Variants in GALNT13 observed in about 807,000 individuals in gnomAD.
GALNT13 encodes the protein polypeptide N-acetylgalactosaminyltransferase 13.
A neutral mutation model predicts 64.2 loss-of-function variants in GALNT13; 28 were observed. That is an observed-to-expected ratio of 0.44 (90% CI 0.32 to 0.60). GALNT13 has a LOEUF of 0.60. Among genes scored for constraint, GALNT13 ranks in the 20% least tolerant of loss-of-function variants. The pLI is 0.05. For synonymous variants in GALNT13, 214 were observed against 224.6 expected (o/e 0.95, Z 0.42); for missense variants, 577 against 669.8 (o/e 0.86, Z 1.53).
the GALNT13 span, among the ~76,000 whole-genome samples, chr2:153,214,584 T>A: frequency 6.6e-6 from 1 of 152,144 alleles, no homozygotes; most frequent in Non-Finnish European, 1.5e-5. Context: ...CTGTGTTATG[T>A]CTTAGGCCAC....
At chr2:153,576,304 G>A in the GALNT13 span, among the ~76,000 whole-genome samples, 4 of 151,958 alleles carry the variant, frequency 2.6e-5, no homozygotes, top group African/African-American at 7.3e-5. Context: ...CACAGTCTGC[G>A]GGCCCAGTTC....
chr2:153,555,288 G>T, the GALNT13 span, among the ~76,000 whole-genome samples: 1 of 103,708 alleles, frequency 9.6e-6, no homozygotes, highest in Non-Finnish European at 2.0e-5. Flanking sequence ...TCCGCCTCCC[G>T]GGTTCACGCC....
At chr2:154,402,139 G>A (rs34287563) in intron 10 of GALNT13, among the ~76,000 whole-genome samples, 99,334 of 152,028 alleles carry the variant, frequency 0.65, 33,010 homozygotes, top group Admixed American at 0.73. Context: ...AAGGATAAAC[G>A]TATGTTGGGA....
the GALNT13 span, among the ~76,000 whole-genome samples, chr2:153,125,848 A>T: frequency 6.6e-6 from 1 of 152,182 alleles, no homozygotes; most frequent in Admixed American, 6.5e-5. Flanking sequence ...TTACATAGAT[A>T]ATTTACATAA....
At chr2:153,119,545 T>A in the GALNT13 span, among the ~76,000 whole-genome samples, 1 of 152,172 alleles carries the variant, frequency 6.6e-6, no homozygotes, top group Non-Finnish European at 1.5e-5. Context: ...AAGATAAAAA[T>A]GGCACTGTTA....
chr2:153,134,133 AT>A, the GALNT13 span, among the ~76,000 whole-genome samples: 1 of 151,774 alleles, frequency 6.6e-6, no homozygotes, highest in South Asian at 2.1e-4. Flanking sequence ...GAAATTGAAA[AT>A]TCGAAAAGAC....
At chr2:153,181,802 A>G in the GALNT13 span, among the ~76,000 whole-genome samples, 1 of 145,906 alleles carries the variant, frequency 6.9e-6, no homozygotes, top group African/African-American at 2.5e-5. Flanking sequence ...ATATAAATAT[A>G]CTTACATAAT....
chr2:153,548,952 AT>A, the GALNT13 span, among the ~76,000 whole-genome samples: 1 of 152,248 alleles, frequency 6.6e-6, no homozygotes, highest in African/African-American at 2.4e-5. Flanking sequence ...GTACTTATAC[AT>A]GTTATAATAT....
At chr2:154,017,872 T>A (rs1216162080) in intron 3 of GALNT13, among the ~76,000 whole-genome samples, 1 of 152,098 alleles carries the variant, frequency 6.6e-6, no homozygotes, top group African/African-American at 2.4e-5. Context: ...CTGAAATGAG[T>A]TTTAGTTGTG....
At chr2:153,712,459 C>A in the GALNT13 span, among the ~76,000 whole-genome samples, 58 of 152,022 alleles carry the variant, frequency 3.8e-4, no homozygotes, top group African/African-American at 1.3e-3. Context: ...TTGTCATCTG[C>A]AAGAAAGAAG....
the GALNT13 span, among the ~76,000 whole-genome samples, chr2:153,703,431 T>G: frequency 6.6e-6 from 1 of 152,298 alleles, no homozygotes; most frequent in South Asian, 2.1e-4. Context: ...TAAACTTCGC[T>G]TATGTAAATT....
intron 8 of GALNT13, among the ~76,000 whole-genome samples, chr2:154,288,955 G>T (rs757248408): frequency 1.3e-5 from 2 of 152,230 alleles, no homozygotes; most frequent in Non-Finnish European, 2.9e-5. Flanking sequence ...GGGACTCTGT[G>T]TGGGGGCTTG....
At chr2:154,249,425 G>A (rs1253267295) in intron 7 of GALNT13, among the ~76,000 whole-genome samples, 2 of 152,146 alleles carry the variant, frequency 1.3e-5, no homozygotes, top group Non-Finnish European at 2.9e-5. Context: ...CTAAAGTGGT[G>A]TGGACCTCTA....
the GALNT13 span, among the ~76,000 whole-genome samples, chr2:153,352,481 C>T: frequency 6.6e-6 from 1 of 152,088 alleles, no homozygotes; most frequent in African/African-American, 2.4e-5. Context: ...TTAATCCTTT[C>T]TCTCATGGAT....
At chr2:153,381,466 G>A in the GALNT13 span, among the ~76,000 whole-genome samples, 3 of 152,056 alleles carry the variant, frequency 2.0e-5, no homozygotes, top group Non-Finnish European at 4.4e-5. Flanking sequence ...ACCAGACAGA[G>A]GGAGCAAGAA....
At chr2:154,123,591 G>A (rs891155817) in intron 3 of GALNT13, among the ~76,000 whole-genome samples, 2 of 151,970 alleles carry the variant, frequency 1.3e-5, no homozygotes, top group Non-Finnish European at 2.9e-5. Context: ...CCCTGTGAAA[G>A]GTGTGTGGAG....
intron 9 of GALNT13, among the ~76,000 whole-genome samples, chr2:154,381,929 A>G (rs952118480): frequency 6.6e-6 from 1 of 152,148 alleles, no homozygotes; most frequent in Non-Finnish European, 1.5e-5. Flanking sequence ...AGAGGATAAG[A>G]GAAGTAATGT....
intron 2 of GALNT13, among the ~76,000 whole-genome samples, chr2:153,912,965 G>T (rs892709707): frequency 1.3e-5 from 2 of 152,184 alleles, no homozygotes; most frequent in Admixed American, 6.5e-5. Flanking sequence ...TGGGTGCTGG[G>T]TAGCCAGCAG....
At chr2:153,767,730 T>A in the GALNT13 span, among the ~76,000 whole-genome samples, 1 of 152,178 alleles carries the variant, frequency 6.6e-6, no homozygotes, top group Non-Finnish European at 1.5e-5. Flanking sequence ...TATATGTTTG[T>A]TAGCCACTTG....
Sources: gnomAD v4.1 joint callset for allele counts (sites outside exome capture counted in the v4.1 genomes callset) on GRCh38, gnomAD v4.1.1 for gene constraint, MANE v1.5 for transcripts, NCBI Gene and HGNC (gene_info 2026-07-23, HGNC 2026-07-21) for gene names.